Variants in NT5DC3 observed in about 807,000 individuals in gnomAD.
NT5DC3 encodes 5'-nucleotidase domain-containing protein 3.
In NT5DC3, 42 loss-of-function variants were observed where a neutral mutation model predicts 67.8. The ratio of observed to expected loss-of-function variants is 0.62; its 90% CI spans 0.48 to 0.80. NT5DC3 has a LOEUF of 0.80. NT5DC3 is among the 30% of genes least tolerant of loss of function. NT5DC3 has a pLI of 0.00. For synonymous variants in NT5DC3, 237 were observed against 255.6 expected (o/e 0.93, Z 0.69); for missense variants, 570 against 696.4 (o/e 0.82, Z 2.04).
chr12:103,829,949 T>C (rs1334749767), intron 1 of NT5DC3, among the ~76,000 whole-genome samples: 1 of 152,154 alleles, frequency 6.6e-6, no homozygotes, highest in East Asian at 1.9e-4. Flanking sequence ...CAATTCTAAA[T>C]TGACATTTTT....
chr12:103,755,340 C>T, the NT5DC3 span: 54 of 1,613,992 alleles, frequency 3.3e-5, no homozygotes, highest in South Asian at 3.7e-4. Flanking sequence ...GGCTGGAGAC[C>T]GGGCGGGTTG....
rs1203143204 is a variant in NT5DC3, at chr12:103,841,150, T to C, written c.7A>G (p.Met3Val). ...CGTGCCACCACCGCCGCCGCTGCCA[T>C]GGTCATGCCTGCTGCCTGCTGCCGC... MTMAAAAVVARGA... is the reference protein window; with the variant it reads MTVAAAAVVARGA... The change falls in exon 1 of 14, where the codon ATG (methionine) becomes GTG (valine). Residue 3 changes from methionine to valine, a missense_variant. By Grantham distance (21) the Met-to-Val change is conservative. Transcript: ENST00000392876. 2.7e-6 allele frequency: 2 copies of C among 745,398 alleles called. No individual in the cohort carries two copies. The highest frequency in any genetic ancestry group is 3.7e-5 in the Admixed American group (1 of 27,170). 46.2% of individuals were successfully genotyped at this position (745,398 alleles called of 1,614,324 possible).
At chr12:103,762,196 G>T in the NT5DC3 span, 1 of 1,578,818 alleles carries the variant, frequency 6.3e-7, no homozygotes, top group South Asian at 1.2e-5. Context: ...GCTCCAGAAT[G>T]CCTCGGGCCA....
chr12:103,768,442 A>T (rs1396159882), downstream of NT5DC3, among the ~76,000 whole-genome samples: 5 of 143,972 alleles, frequency 3.5e-5, no homozygotes, highest in Non-Finnish European at 7.5e-5. Context: ...CCAAAAAAAG[A>T]AAGTTTGAAA....
chr12:103,834,482 T>C (rs539921878), intron 1 of NT5DC3, among the ~76,000 whole-genome samples: 1 of 152,172 alleles, frequency 6.6e-6, no homozygotes, highest in South Asian at 2.1e-4. Context: ...CAACTAAATG[T>C]AGTGTGCTAT....
the NT5DC3 span, among the ~76,000 whole-genome samples, chr12:103,752,730 T>C: frequency 6.6e-6 from 1 of 152,186 alleles, no homozygotes; most frequent in Non-Finnish European, 1.5e-5. Flanking sequence ...ACCAGAGAAA[T>C]TTTATAATTT....
chr12:103,826,343 C>G (rs988556116), intron 1 of NT5DC3, among the ~76,000 whole-genome samples: 4 of 152,186 alleles, frequency 2.6e-5, no homozygotes, highest in Non-Finnish European at 5.9e-5. Flanking sequence ...AGATTGGTAT[C>G]AGCTGACTTT....
At chr12:103,758,135 G>A in the NT5DC3 span, 1 of 1,613,326 alleles carries the variant, frequency 6.2e-7, no homozygotes, top group Non-Finnish European at 8.5e-7. Context: ...GCACACCAGG[G>A]CTGGCCCCTC....
downstream of NT5DC3, among the ~76,000 whole-genome samples, chr12:103,765,675 C>T (rs187977969): frequency 3.0e-4 from 46 of 152,242 alleles, no homozygotes; most frequent in African/African-American, 6.5e-4. Context: ...CTCAGCCTCC[C>T]GAGTAGCTGG....
chr12:103,840,792 C>G (rs937716322), intron 1 of NT5DC3, among the ~76,000 whole-genome samples, 157 bp downstream of exon 1: 3 of 152,150 alleles, frequency 2.0e-5, no homozygotes, highest in African/African-American at 7.2e-5. Context: ...TCCGCAGGAG[C>G]GATGCTGCCT....
chr12:103,812,409 T>C (rs1887071102), intron 2 of NT5DC3, among the ~76,000 whole-genome samples: 1 of 152,186 alleles, frequency 6.6e-6, no homozygotes, highest in Non-Finnish European at 1.5e-5. Context: ...AACTATAGTT[T>C]TATCAAAGCA....
intron 12 of NT5DC3, among the ~76,000 whole-genome samples, chr12:103,784,499 T>C (rs1885684034): frequency 6.6e-6 from 1 of 152,192 alleles, no homozygotes; most frequent in Non-Finnish European, 1.5e-5. Flanking sequence ...CCCTGCCCAT[T>C]TCCAAAGCCA....
chr12:103,778,569 C>T lies in NT5DC3; in HGVS notation c.1395-488G>A, dbSNP rs182622381. The stretch of plus-strand genomic sequence containing the variant: ...CAAACAAACAAAAAAAACAGTCTGG[C>T]CTGGGCATGGCAGGTGGATCACTTG... On this transcript the variant is annotated intron_variant, in intron 13 of 13. Transcript: ENST00000392876. 2.0e-5 allele frequency among the ~76,000 whole-genome samples: 3 copies of T among 151,570 alleles called. No individual in the cohort carries two copies. The East Asian group carries it at 5.8e-4, about 29-fold the overall frequency.
chr12:103,750,565 C>A, the NT5DC3 span: 1 of 1,612,974 alleles, frequency 6.2e-7, no homozygotes, highest in Non-Finnish European at 8.5e-7. Context: ...TCTCTTCCCA[C>A]TCTCCCTCCA....
At chr12:103,796,316 A>T (rs1228838762) in intron 6 of NT5DC3, among the ~76,000 whole-genome samples, 1 of 152,050 alleles carries the variant, frequency 6.6e-6, no homozygotes, top group Non-Finnish European at 1.5e-5. Context: ...TAGGAGTTGG[A>T]GACTAGCCTG....
the NT5DC3 span, among the ~76,000 whole-genome samples, chr12:103,750,951 T>C: frequency 6.6e-6 from 1 of 152,158 alleles, no homozygotes; most frequent in Non-Finnish European, 1.5e-5. Context: ...AATCAGCCGG[T>C]TGTGGCAGTG....
the NT5DC3 span, chr12:103,763,537 G>A: frequency 6.2e-7 from 1 of 1,614,118 alleles, no homozygotes; most frequent in African/African-American, 1.3e-5. Flanking sequence ...GCAGCAGCCT[G>A]AGAATATCTC....
downstream of NT5DC3, chr12:103,772,240 G>A (rs551697095): frequency 1.3e-5 from 2 of 152,320 alleles, no homozygotes; most frequent in African/African-American, 2.4e-5. Flanking sequence ...AAACGATACT[G>A]TGGATTCATC....
intron 1 of NT5DC3, among the ~76,000 whole-genome samples, chr12:103,829,583 C>A (rs1026610531): frequency 6.6e-6 from 1 of 152,176 alleles, no homozygotes; most frequent in Non-Finnish European, 1.5e-5. Context: ...TCTGATCTGA[C>A]AATCTGTCTT....
Sources: gnomAD v4.1 joint callset for allele counts (sites outside exome capture counted in the v4.1 genomes callset) on GRCh38, gnomAD v4.1.1 for gene constraint, MANE v1.5 for transcripts, NCBI Gene and HGNC (gene_info 2026-07-23, HGNC 2026-07-21) for gene names.